Variants in RBM19 observed in about 807,000 individuals in gnomAD.
The protein encoded by RBM19 is probable RNA-binding protein 19.
Under a neutral mutation model 116.8 loss-of-function variants are expected in RBM19, and 94 were observed. The ratio of observed to expected loss-of-function variants is 0.80; its 90% CI spans 0.68 to 0.95. RBM19 has a LOEUF of 0.95. RBM19 is among the 40% of genes least tolerant of loss of function. RBM19 has a pLI of 0.00. For synonymous variants in RBM19, 475 were observed against 494.1 expected (o/e 0.96, Z 0.51); for missense variants, 1,161 against 1,220.7 (o/e 0.95, Z 0.73).
At chr12:113,869,383 C>T (rs1417409968) in intron 21 of RBM19, among the ~76,000 whole-genome samples, 1 of 152,214 alleles carries the variant, frequency 6.6e-6, no homozygotes, top group Non-Finnish European at 1.5e-5. Flanking sequence ...AGGGCAAGCC[C>T]TTGGGATAGC....
intron 21 of RBM19, among the ~76,000 whole-genome samples, chr12:113,873,703 AAAAAG>A (rs1879461820): frequency 6.6e-6 from 1 of 151,636 alleles, no homozygotes; most frequent in South Asian, 2.1e-4. Flanking sequence ...AAAAAAAAAA[AAAAAG>A]AAAAGGCACT....
chr12:113,909,659 C>T (rs901794308), intron 21 of RBM19, among the ~76,000 whole-genome samples: 1 of 152,130 alleles, frequency 6.6e-6, no homozygotes, highest in Non-Finnish European at 1.5e-5. Context: ...AGCGGAAGCT[C>T]ACAGGTGGAA....
intron 21 of RBM19, among the ~76,000 whole-genome samples, chr12:113,867,543 C>T (rs189025258): frequency 1.3e-5 from 2 of 152,144 alleles, no homozygotes; most frequent in Non-Finnish European, 2.9e-5. Flanking sequence ...GCATGCATCT[C>T]CAATATATGT....
intron 21 of RBM19, among the ~76,000 whole-genome samples, chr12:113,896,372 C>A (rs913471840): frequency 6.6e-6 from 1 of 152,332 alleles, no homozygotes; most frequent in East Asian, 1.9e-4. Context: ...AATTTCTGGG[C>A]TCGGGGGCAT....
chr12:113,829,451 G>C (rs1247294820), intron 23 of RBM19, among the ~76,000 whole-genome samples: 3 of 152,218 alleles, frequency 2.0e-5, no homozygotes, highest in Non-Finnish European at 4.4e-5. Context: ...CTGTTAAACG[G>C]GGACGGTGCC....
At chr12:113,949,160 C>T in intron 9 of RBM19, 124 bp from the exon 10 acceptor site, 3 of 857,192 alleles carry the variant, frequency 3.5e-6, no homozygotes, top group South Asian at 3.3e-5. Flanking sequence ...CAGATGACAG[C>T]ACCCAACACC....
intron 22 of RBM19, among the ~76,000 whole-genome samples, chr12:113,858,270 C>T (rs1878068754): frequency 6.6e-6 from 1 of 152,254 alleles, no homozygotes; most frequent in Non-Finnish European, 1.5e-5. Context: ...TTTCGGTATG[C>T]ACGCTTGCAT....
intron 21 of RBM19, among the ~76,000 whole-genome samples, chr12:113,877,832 G>A (rs1879781567): frequency 6.6e-6 from 1 of 152,136 alleles, no homozygotes; most frequent in Non-Finnish European, 1.5e-5. Context: ...ACGGATGGGC[G>A]AGTGAGGCCC....
rs756884538 is a variant in RBM19 at position 113,959,271 on chromosome 12, T to C, written c.512A>G (p.Asn171Ser). 6.2e-7 allele frequency: 1 copy of C among 1,613,788 alleles called. No homozygotes were observed. Among genetic ancestry groups the C allele is most frequent in the Admixed American group, 1.7e-5 (1 of 60,012 alleles). The stretch of plus-strand genomic sequence containing the variant: ...CTCCTGCCCAGAATCGGAGTCGAAG[T>C]TCAGGTAGTCACTGGCCGGCTTGCT... Reference protein sequence around the residue: ...GKSKPASDYLNFDSDSGQESE... With the variant: ...GKSKPASDYLSFDSDSGQESE... The change falls in exon 5 of 24, where the codon AAC becomes AGC. Residue 171 changes from asparagine (N) to serine (S), a missense_variant. Physicochemically the swap from Asn to Ser is conservative, Grantham distance 46. Transcript: ENST00000261741.
At chr12:113,828,320 C>G (rs918558509) in intron 23 of RBM19, among the ~76,000 whole-genome samples, 7 of 152,150 alleles carry the variant, frequency 4.6e-5, no homozygotes, top group Non-Finnish European at 8.8e-5. Flanking sequence ...TGTCCCCTCC[C>G]TGCCTACAGG....
chr12:113,913,214 C>A (rs1424341096), intron 21 of RBM19, among the ~76,000 whole-genome samples: 6 of 152,200 alleles, frequency 3.9e-5, no homozygotes, highest in Non-Finnish European at 8.8e-5. Flanking sequence ...TCCCGATCAA[C>A]ATGCGCTCTT....
chr12:113,918,018 C>T (rs1882877822), intron 20 of RBM19, among the ~76,000 whole-genome samples: 1 of 152,130 alleles, frequency 6.6e-6, no homozygotes, highest in Non-Finnish European at 1.5e-5. Context: ...CTAGGTTTTA[C>T]AGCTTCTTCT....
intron 16 of RBM19, chr12:113,936,768 G>C (rs1022777973): frequency 4.5e-6 from 2 of 446,594 alleles, no homozygotes; most frequent in Non-Finnish European, 7.8e-6. Flanking sequence ...TTAATAGATA[G>C]TAATTTTTTT....
chr12:113,855,626 G>T (rs147005834), intron 22 of RBM19, among the ~76,000 whole-genome samples: 4 of 152,168 alleles, frequency 2.6e-5, no homozygotes, highest in African/African-American at 9.7e-5. Context: ...GCTTCAACAG[G>T]GGGAGGATGC....
chr12:113,890,265 G>A (rs904628940), intron 21 of RBM19, among the ~76,000 whole-genome samples: 2 of 152,310 alleles, frequency 1.3e-5, no homozygotes, highest in Admixed American at 1.3e-4. Flanking sequence ...GGCTGGCTCT[G>A]GGCCGTGAGT....
At chr12:113,907,410 G>C (rs555286078) in intron 21 of RBM19, among the ~76,000 whole-genome samples, 4 of 152,144 alleles carry the variant, frequency 2.6e-5, no homozygotes, top group Admixed American at 2.6e-4. Context: ...GGAATGCCAG[G>C]GGAATAAATC....
Position 113,843,534 on chromosome 12 carries a change from T to G in RBM19, c.2785+1134A>C, listed in dbSNP as rs182831909. On this transcript the variant is annotated intron_variant, in intron 23 of 23. Transcript: ENST00000261741. The stretch of plus-strand genomic sequence containing the variant: ...GCAAAAGGCAGAGAAGCTCCCCAGC[T>G]GGGTGAACCATCGCCAAGTAAGCGG... Among the ~76,000 whole-genome samples, 62 of 152,346 alleles carry G rather than the reference T, an allele frequency of 4.1e-4. 1 individual carries two copies. In the East Asian group the frequency reaches 0.011, roughly 28 times the overall value.
chr12:113,946,432 G>T lies in RBM19; in HGVS notation c.1451C>A (p.Ala484Asp), dbSNP rs965986978. The part of the protein sequence containing the change: ...HVLPSTIKKE[A>D]SEDASALGSS... ...TCCCAGGGCACTGGCATCCTCGCTG[G>T]CTTCCTTCTTGATGGTAGATGGTAA... Residue 484 changes from alanine (A) to aspartate (D), a missense_variant, in exon 12 of 24, where the codon GCC (alanine) becomes GAC (aspartate). Coordinates refer to ENST00000261741, the MANE Select transcript of RBM19 (RefSeq NM_016196.4). 2 of 1,614,092 alleles carry T rather than the reference G, an allele frequency of 1.2e-6. No homozygotes were observed. Among genetic ancestry groups the T allele is most frequent in the Non-Finnish European group, 1.7e-6 (2 of 1,179,992 alleles).
At chr12:113,854,929 C>A (rs1012303008) in intron 22 of RBM19, among the ~76,000 whole-genome samples, 1 of 152,214 alleles carries the variant, frequency 6.6e-6, no homozygotes. Context: ...ACAAAGCCAG[C>A]GCGCTCGCGG....
Sources: allele counts gnomAD v4.1 joint callset (sites outside exome capture counted in the v4.1 genomes callset), GRCh38; gene constraint gnomAD v4.1.1; transcripts MANE v1.5; gene names NCBI Gene and HGNC (gene_info 2026-07-23, HGNC 2026-07-21).